The following PCDHA1 variants were observed in gnomAD, a reference collection of about 807,000 sequenced individuals.
PCDHA1 encodes the protein protocadherin alpha 1.
In PCDHA1, 42 loss-of-function variants were observed where a neutral mutation model predicts 61.3. The ratio of observed to expected loss-of-function variants is 0.69; its 90% confidence interval spans 0.54 to 0.89. PCDHA1 has a LOEUF of 0.89. Ranked by LOEUF, PCDHA1 falls within the 40% of genes least tolerant of loss-of-function variation. The probability of loss-of-function intolerance (pLI) is 0.00; values close to 1 mark genes in which losing one functional copy is unlikely to be tolerated. For missense variants in PCDHA1, 1,256 were observed against 1,235.3 expected, an observed-to-expected ratio of 1.02 and a Z score of -0.25; for synonymous variants, 610 against 553.8, an observed-to-expected ratio of 1.10 and a Z score of -1.43.
At chr5:140,976,528 A>G (rs1238458657) in intron 1 of PCDHA1, among the ~76,000 whole-genome samples, 1 of 152,112 alleles carries the variant, frequency 6.6e-6, no homozygotes, top group East Asian at 1.9e-4. Flanking sequence ...ACCAGCCTAA[A>G]TGACAGAGTA....
At chr5:140,851,486 C>T in intron 1 of PCDHA1, 1 of 886,580 alleles carries the variant, frequency 1.1e-6, no homozygotes, top group Non-Finnish European at 1.4e-6. Flanking sequence ...ATAAACACAG[C>T]CTTCATTTCA....
At chr5:140,822,931 T>C (rs2150120508) in intron 1 of PCDHA1, 1 of 1,614,276 alleles carries the variant, frequency 6.2e-7, no homozygotes, top group Non-Finnish European at 8.5e-7. Flanking sequence ...GCAGGTGACC[T>C]GCTCCCTAAT....
In PCDHA1 at chr5:140,858,295, G is replaced by T. The variant is rs190932191; in HGVS notation, c.2394+69611G>T. 8.8e-5 allele frequency: 140 copies of T among 1,597,360 alleles called. 13 individuals are homozygous for T. Among genetic ancestry groups the T allele is most frequent in the African/African-American group, 2.6e-4 (19 of 74,394 alleles). The stretch of plus-strand genomic sequence containing the variant: ...GCGCGGTGGGGAGCTGGTCTTACTC[G>T]CAGCAGAGGCGGCAGAGGGTGTGTT... On this transcript the variant is annotated intron_variant, in intron 1 of 3. Transcript: ENST00000504120.
intron 1 of PCDHA1, chr5:140,930,381 A>G (rs569032116): frequency 2.0e-5 from 3 of 152,008 alleles, no homozygotes; most frequent in East Asian, 3.9e-4. Flanking sequence ...GGCCCTTGGC[A>G]TTTCAAAACT....
At chr5:140,863,065 G>C (rs2047759481) in intron 1 of PCDHA1, 1 of 566,972 alleles carries the variant, frequency 1.8e-6, no homozygotes, top group Non-Finnish European at 3.5e-6. Flanking sequence ...GTTCCACGTG[G>C]GGCTCTGCAC....
chr5:140,988,558 T>C lies in PCDHA1; in HGVS notation c.2542+5995T>C, dbSNP rs982984587. ...CCATTCATGACTTTCTTCATCTTCT[T>C]CTTGGGAAAACACTCTGTACCTTCC... On this transcript the variant is annotated intron_variant, in intron 3 of 3. Transcript: ENST00000504120. 3.9e-5 allele frequency among the ~76,000 whole-genome samples: 6 copies of C among 152,198 alleles called. 1 individual carries two copies. Among genetic ancestry groups the C allele is most frequent in the Admixed American group, 3.9e-4 (6 of 15,276 alleles).
rs1554138958 is a variant in PCDHA1, at chr5:140,842,308, C to T, written c.2394+53624C>T. On this transcript the variant is annotated intron_variant, in intron 1 of 3. Coordinates refer to ENST00000504120, the MANE Select transcript of PCDHA1 (RefSeq NM_018900.4). ...ACGCCACGGACAAAGGCCATCCTCC[C>T]ATGGCGGGTCATTGCACCGTTTTAG... The T allele has an allele frequency of 3.1e-6, 5 of 1,607,710 alleles. No individual in the cohort carries two copies. The African/African-American group carries it at 5.4e-5, about 17-fold the overall frequency.
rs1236098574 is a variant in PCDHA1 at position 140,852,665 on chromosome 5, C to T, written c.2394+63981C>T. The T allele has an allele frequency of 2.1e-6, 2 of 964,268 alleles. 1 individual carries two copies. The highest frequency in any genetic ancestry group is 3.6e-5 in the African/African-American group (2 of 55,886). 59.7% of individuals were successfully genotyped at this position (964,268 alleles called of 1,614,324 possible). A position where few individuals can be genotyped will look rare whatever the true frequency, so the allele number is the denominator to read the frequency against. Reference sequence around the variant, plus strand: ...AAACCTATCTATATCTGTCTATCAGCACAACTCACCTTGAATATAGTCTTA... The same window carrying T: ...AAACCTATCTATATCTGTCTATCAGTACAACTCACCTTGAATATAGTCTTA... On this transcript the variant is annotated intron_variant, in intron 1 of 3. Transcript: ENST00000504120.
chr5:140,932,346 A>C (rs529573484), intron 1 of PCDHA1, among the ~76,000 whole-genome samples: 1 of 151,954 alleles, frequency 6.6e-6, no homozygotes, highest in African/African-American at 2.4e-5. Context: ...AACACTTACC[A>C]TACAACTGGC....
At chr5:140,884,461 G>C in intron 1 of PCDHA1, 3 of 1,613,764 alleles carry the variant, frequency 1.9e-6, no homozygotes, top group Non-Finnish European at 2.5e-6. Context: ...CCGAGGGCGC[G>C]TGCGCGCCGG....
chr5:140,835,554 C>T (rs2150238113), intron 1 of PCDHA1: 7 of 1,613,942 alleles, frequency 4.3e-6, no homozygotes, highest in Non-Finnish European at 5.9e-6. Context: ...CTCCCTGACG[C>T]CCCGCGTTCC....
chr5:140,917,817 T>C (rs2078372214), intron 1 of PCDHA1, among the ~76,000 whole-genome samples: 1 of 152,162 alleles, frequency 6.6e-6, no homozygotes, highest in Non-Finnish European at 1.5e-5. Flanking sequence ...TAGTTGAAGT[T>C]GGGTAGTGTG....
chr5:140,828,805 T>C, intron 1 of PCDHA1: 7 of 1,614,212 alleles, frequency 4.3e-6, no homozygotes, highest in Non-Finnish European at 5.9e-6. Context: ...TGAATGATAA[T>C]GCTCCCACTT....
chr5:140,859,090 A>G (rs2045720842), intron 1 of PCDHA1: 1 of 150,172 alleles, frequency 6.7e-6, no homozygotes, highest in African/African-American at 2.4e-5. Context: ...GTCAGTGTGT[A>G]TTATTCACTT....
At chr5:140,851,968 C>T (rs1409588887) in intron 1 of PCDHA1, 1 of 976,644 alleles carries the variant, frequency 1.0e-6, no homozygotes, top group Admixed American at 6.3e-5. Flanking sequence ...GTTTTCCACA[C>T]TCTACCTTTA....
chr5:140,788,144 G>T lies in PCDHA1; in HGVS notation c.1854G>T (p.Ala618=), dbSNP rs543937372. The T allele has an allele frequency of 1.7e-5, 27 of 1,613,964 alleles. No homozygotes were observed. The East Asian group carries it at 4.5e-4, about 27-fold the overall frequency. ...SYELQPAAGG[A]RIPFRVGLYT... is the part of the protein sequence containing the mutation. ...AACTGCAGCCGGCAGCAGGCGGCGCGCGCATCCCGTTCCGCGTGGGGCTGT... is the reference window on the plus strand; with the variant it reads ...AACTGCAGCCGGCAGCAGGCGGCGCTCGCATCCCGTTCCGCGTGGGGCTGT... Residue 618 remains alanine (A), a synonymous_variant, in exon 1 of 4, where the codon GCG becomes GCT. Transcript: ENST00000504120.
chr5:140,952,041 T>C (rs1202542852), intron 1 of PCDHA1, among the ~76,000 whole-genome samples: 1 of 152,108 alleles, frequency 6.6e-6, no homozygotes, highest in African/African-American at 2.4e-5. Flanking sequence ...AGTAGGGCAG[T>C]TATTAAATCT....
chr5:140,875,033 T>G (rs1377177254), intron 1 of PCDHA1, among the ~76,000 whole-genome samples: 1 of 152,236 alleles, frequency 6.6e-6, no homozygotes, highest in Non-Finnish European at 1.5e-5. Context: ...CTACTGTATT[T>G]GAAAGATTTC....
chr5:140,826,336 T>C (rs1768901629), intron 1 of PCDHA1, among the ~76,000 whole-genome samples: 1 of 152,166 alleles, frequency 6.6e-6, no homozygotes, highest in African/African-American at 2.4e-5. Flanking sequence ...GTTAAGAAAT[T>C]GAACCCTTTG....
Sources: allele counts gnomAD v4.1 joint callset (sites outside exome capture counted in the v4.1 genomes callset), GRCh38; gene constraint gnomAD v4.1.1; transcripts MANE v1.5; gene names NCBI Gene and HGNC (gene_info 2026-07-23, HGNC 2026-07-21).